The following KALRN variants were observed in gnomAD, a reference collection of about 807,000 sequenced individuals.
KALRN encodes kalirin.
Under a neutral mutation model 353.7 loss-of-function variants are expected in KALRN, and 70 were observed. The observed-to-expected ratio is 0.20, with a 90% CI of 0.16 to 0.24. The LOEUF is 0.24. Among genes scored for constraint, KALRN ranks in the 10% least tolerant of loss-of-function variants. The pLI is 1.00. For synonymous variants in KALRN, 1,391 were observed against 1,434.8 expected (o/e 0.97, Z 0.69); for missense variants, 2,791 against 3,756.7 (o/e 0.74, Z 6.72).
intron 13 of KALRN, among the ~76,000 whole-genome samples, chr3:124,402,508 G>T (rs549629215): frequency 6.6e-6 from 1 of 152,248 alleles, no homozygotes; most frequent in Admixed American, 6.5e-5. Context: ...AAGAATACAG[G>T]TGATTTTTTT....
At position 124,422,837 on chromosome 3, in the gene KALRN, C is replaced by T; in HGVS notation, c.2568C>T (p.Asp856=). 6.2e-7 allele frequency: 1 copy of T among 1,613,756 alleles called. No individual in the cohort carries two copies. Among genetic ancestry groups the T allele is most frequent in the South Asian group, 1.1e-5 (1 of 91,062 alleles). ...GAATTGAGTTGATCTGTGAAAAAGA[C>T]ATTGATCTGGCAGCCCAGGTGCAAG... ...ASGIELICEK[D]IDLAAQVQEL... Residue 856 remains aspartate (D), a synonymous_variant, in exon 15 of 60, where the codon GAC becomes GAT. Coordinates refer to ENST00000682506, the MANE Select transcript of KALRN (RefSeq NM_001388419.1).
At chr3:124,223,584 TCTGGCAG>T (rs1369759535) in intron 1 of KALRN, among the ~76,000 whole-genome samples, 30 of 152,362 alleles carry the variant, frequency 2.0e-4, no homozygotes, top group African/African-American at 7.0e-4. Flanking sequence ...CCATGGATAC[TCTGGCAG>T]CTTGAACCTC....
At chr3:124,387,095 C>A (rs588800) in intron 11 of KALRN, among the ~76,000 whole-genome samples, 2 of 151,958 alleles carry the variant, frequency 1.3e-5, no homozygotes, top group East Asian at 1.9e-4. Context: ...TTTCTAAACC[C>A]CAAATCAGGG....
chr3:124,552,382 C>A (rs1170887306), intron 33 of KALRN, among the ~76,000 whole-genome samples: 1 of 152,188 alleles, frequency 6.6e-6, no homozygotes, highest in African/African-American at 2.4e-5. Context: ...AATAATTAGA[C>A]CAACCAGAGT....
At chr3:124,647,018 C>A (rs2082839060) in intron 37 of KALRN, among the ~76,000 whole-genome samples, 1 of 152,062 alleles carries the variant, frequency 6.6e-6, no homozygotes. Context: ...TACAACCCTT[C>A]CATCATTGGT....
rs373436261 is a variant in KALRN, at chr3:124,719,078, G to A, written c.8569G>A (p.Val2857Ile). 1.9e-5 allele frequency: 31 copies of A among 1,614,076 alleles called. No homozygotes were observed. The highest frequency in any genetic ancestry group is 8.9e-5 in the East Asian group (4 of 44,898). The change falls in exon 60 of 60, where the codon GTC becomes ATC. Residue 2857 changes from valine (V) to isoleucine (I), a missense_variant. Transcript: ENST00000682506. The surrounding 1 kb of genome is among the most constrained non-coding windows in gnomAD (Gnocchi z 5.3). The part of the protein sequence containing the change: ...AAPEVIQGIP[V>I]SLGTDIWSIG... ...CCCAGAAGTCATTCAAGGCATCCCC[G>A]TCTCCCTGGGGACAGACATCTGGAG...
intron 29 of KALRN, among the ~76,000 whole-genome samples, chr3:124,489,995 C>G (rs1027338365): frequency 3.3e-5 from 5 of 152,194 alleles, no homozygotes; most frequent in Admixed American, 3.3e-4. Flanking sequence ...AGGTCAGGCA[C>G]AGTGGCTCAT....
At chr3:124,610,827 A>G (rs1459317830) in intron 34 of KALRN, among the ~76,000 whole-genome samples, 1 of 148,832 alleles carries the variant, frequency 6.7e-6, no homozygotes, top group Non-Finnish European at 1.5e-5. Flanking sequence ...CCTAGGCAAC[A>G]TAGTAGGACC....
chr3:124,091,051 C>A lies in KALRN; in HGVS notation c.73+57238C>A, dbSNP rs145663769. Reference sequence around the variant, plus strand: ...GAGAGACTGGCAGGGGTCCAACCCACCCTTGAAATGGTATCCCTGGGAATG... The same window carrying A: ...GAGAGACTGGCAGGGGTCCAACCCAACCTTGAAATGGTATCCCTGGGAATG... On this transcript the variant is annotated intron_variant, in intron 1 of 59. Transcript: ENST00000682506. Among the ~76,000 whole-genome samples the A allele has an allele frequency of 7.0e-4, 107 of 152,324 alleles. 2 individuals carry two copies. The East Asian group carries it at 0.021, about 29-fold the overall frequency.
intron 33 of KALRN, among the ~76,000 whole-genome samples, chr3:124,554,938 G>A (rs78413025): frequency 0.016 from 2,456 of 152,202 alleles, 43 homozygotes; most frequent in East Asian, 0.099. Context: ...TTTATATGTG[G>A]CTGCTAGCAT....
intron 34 of KALRN, among the ~76,000 whole-genome samples, chr3:124,612,853 A>G (rs923504700): frequency 1.3e-5 from 2 of 152,216 alleles, no homozygotes; most frequent in Non-Finnish European, 2.9e-5. Context: ...AACGAATAAT[A>G]AAGTAGTATC....
At chr3:124,133,571 T>C (rs1228602695) in intron 1 of KALRN, among the ~76,000 whole-genome samples, 1 of 152,230 alleles carries the variant, frequency 6.6e-6, no homozygotes, top group Non-Finnish European at 1.5e-5. Context: ...CCCAGGGCAC[T>C]GCCTGTGATT....
chr3:124,491,272 TC>T, intron 30 of KALRN, 50 bp from the exon 31 acceptor site: 1 of 1,341,992 alleles, frequency 7.5e-7, no homozygotes, highest in Non-Finnish European at 1.0e-6. Context: ...GCCCTAAGTT[TC>T]CCCACTGCCC....
intron 33 of KALRN, among the ~76,000 whole-genome samples, chr3:124,538,030 G>T (rs1213294073): frequency 1.3e-5 from 2 of 152,246 alleles, no homozygotes; most frequent in East Asian, 3.8e-4. Context: ...CCCCACGGAG[G>T]TGTTGGAAGT....
rs1389980520 is a variant in KALRN, at chr3:124,657,350, CAG to C, written c.5863-93_5863-92del. Reference sequence around the variant, plus strand: ...AGAAGCATTTGTCCGCAAACTCACGCAGAGAGTGTGGGCTTGCAGGGGTGCTG... The same window carrying C: ...AGAAGCATTTGTCCGCAAACTCACGCAGAGTGTGGGCTTGCAGGGGTGCTG... On this transcript the variant is annotated intron_variant, in intron 39 of 59. Transcript: ENST00000682506. 9 of 787,446 alleles carry C rather than the reference CAG, an allele frequency of 1.1e-5. No individual in the cohort carries two copies. The East Asian group carries it at 1.6e-4, about 14-fold the overall frequency. 48.8% of individuals were successfully genotyped at this position (787,446 alleles called of 1,614,324 possible). A position where few individuals can be genotyped will look rare whatever the true frequency, so the allele number is the denominator to read the frequency against.
intron 33 of KALRN, chr3:124,504,669 G>A: frequency 2.7e-6 from 1 of 364,450 alleles, no homozygotes; most frequent in Non-Finnish European, 5.5e-6. Flanking sequence ...CTTGGTGGGA[G>A]TGTGATTCTG....
At chr3:124,362,101 G>A (rs765507505) in intron 10 of KALRN, among the ~76,000 whole-genome samples, 1 of 152,132 alleles carries the variant, frequency 6.6e-6, no homozygotes, top group Non-Finnish European at 1.5e-5. Flanking sequence ...TTGAGAACAT[G>A]TGGGTAGCTG....
Position 124,456,478 on chromosome 3 carries a change from T to A in KALRN, c.3736-132T>A, listed in dbSNP as rs2059312143. The A allele has an allele frequency of 1.8e-5, 10 of 570,620 alleles. No homozygotes were observed. In the South Asian group the frequency reaches 2.3e-4, roughly 13 times the overall value. 35.3% of individuals were successfully genotyped at this position (570,620 alleles called of 1,614,324 possible). On this transcript the variant is annotated intron_variant, in intron 22 of 59. Coordinates refer to ENST00000682506, the MANE Select transcript of KALRN (RefSeq NM_001388419.1). ...GAAGAAGAGTGCTTATGGGTATGAG[T>A]CTGTAAGATCCCTCATGTTTTTATC...
chr3:124,665,044 G>A (rs1578792261), intron 45 of KALRN, among the ~76,000 whole-genome samples: 1 of 152,222 alleles, frequency 6.6e-6, no homozygotes, highest in African/African-American at 2.4e-5. Context: ...GACATTGGCA[G>A]TAAGGAGCCA....
Sources: gnomAD v4.1 joint callset for allele counts (sites outside exome capture counted in the v4.1 genomes callset) on GRCh38, gnomAD v4.1.1 for gene constraint, Gnocchi (gnomAD v3.1) non-coding constraint, MANE v1.5 for transcripts, NCBI Gene and HGNC (gene_info 2026-07-23, HGNC 2026-07-21) for gene names.